Variants in ZNF292 observed in about 807,000 individuals in gnomAD.
The protein encoded by ZNF292 is zinc finger protein 292.
Under a neutral mutation model 217.9 loss-of-function variants are expected in ZNF292, and 26 were observed. The observed-to-expected ratio is 0.12, with a 90% CI of 0.09 to 0.17. The LOEUF (loss-of-function observed/expected upper bound fraction) is 0.17, where lower values mean the gene tolerates loss of function less well. Ranked by LOEUF, ZNF292 falls within the 10% of genes least tolerant of loss-of-function variation. The pLI is 1.00. For missense variants in ZNF292, 2,904 were observed against 3,175.2 expected (o/e 0.91, Z 2.05); for synonymous variants, 1,257 against 1,124.1 (o/e 1.12, Z -2.37).
Position 87,258,765 on chromosome 6 carries a change from C to G in ZNF292, c.5136C>G (p.Ser1712=). The G allele has an allele frequency of 6.2e-7, 1 of 1,613,402 alleles. No homozygotes were observed. Among genetic ancestry groups the G allele is most frequent in the Non-Finnish European group, 8.5e-7 (1 of 1,179,706 alleles). Reference sequence around the variant, plus strand: ...AGAATTTCAAAACCAGTCTTGAGTCCCATACAGTGTTAGCCCCTTTAACAT... The same window carrying G: ...AGAATTTCAAAACCAGTCTTGAGTCGCATACAGTGTTAGCCCCTTTAACAT... ...VKENFKTSLE[S]HTVLAPLTLK... Residue 1712 remains serine, a synonymous_variant, in exon 8 of 8, where the codon TCC becomes TCG. Coordinates refer to ENST00000369577, the MANE Select transcript of ZNF292 (RefSeq NM_015021.3).
chr6:87,170,902 A>T (rs1771075848), intron 1 of ZNF292, among the ~76,000 whole-genome samples: 1 of 152,174 alleles, frequency 6.6e-6, no homozygotes, highest in South Asian at 2.1e-4. Flanking sequence ...AATTGATGAA[A>T]GCCATAATTA....
Position 87,224,186 on chromosome 6 carries a change from C to G in ZNF292, c.538+5455C>G, listed in dbSNP as rs1773227890. Among the ~76,000 whole-genome samples the G allele has an allele frequency of 2.6e-5, 4 of 152,278 alleles. No individual in the cohort carries two copies. In the South Asian group the frequency reaches 8.3e-4, roughly 32 times the overall value. On this transcript the variant is annotated intron_variant, in intron 4 of 7. Coordinates refer to ENST00000369577, the MANE Select transcript of ZNF292 (RefSeq NM_015021.3). ...CTTTTTTACTTTATTCTTACATTCT[C>G]CACTCATTTCCAAAGTTACTTAGGT...
intron 1 of ZNF292, among the ~76,000 whole-genome samples, chr6:87,157,054 T>C (rs1008258051): frequency 6.6e-6 from 1 of 152,230 alleles, no homozygotes. Context: ...TTTTCACTTA[T>C]TTTTTAGCTT....
chr6:87,247,590 T>G (rs1455739943), intron 7 of ZNF292, among the ~76,000 whole-genome samples: 1 of 152,178 alleles, frequency 6.6e-6, no homozygotes, highest in African/African-American at 2.4e-5. Context: ...CTAAGATTCC[T>G]GCAGAAGAAA....
chr6:87,240,977 C>T (rs1039399692), intron 5 of ZNF292, among the ~76,000 whole-genome samples: 1 of 152,188 alleles, frequency 6.6e-6, no homozygotes, highest in African/African-American at 2.4e-5. Context: ...CTTAGGCCTT[C>T]TTTCTTTAAA....
chr6:87,157,468 A>T (rs1214369265), intron 1 of ZNF292, among the ~76,000 whole-genome samples: 1 of 152,260 alleles, frequency 6.6e-6, no homozygotes, highest in Non-Finnish European at 1.5e-5. Flanking sequence ...TTATATAATA[A>T]TCAGTGAAAA....
At chr6:87,217,519 A>G (rs894071962) in intron 3 of ZNF292, among the ~76,000 whole-genome samples, 3 of 152,002 alleles carry the variant, frequency 2.0e-5, no homozygotes, top group Admixed American at 6.6e-5. Flanking sequence ...GAAACTTCCT[A>G]TTGCTTGCCA....
At chr6:87,204,328 C>T (rs561498430) in intron 1 of ZNF292, among the ~76,000 whole-genome samples, 34 of 152,134 alleles carry the variant, frequency 2.2e-4, no homozygotes, top group Admixed American at 1.8e-3. Flanking sequence ...TGTTTATTGC[C>T]TGATTCTGGT....
intron 1 of ZNF292, among the ~76,000 whole-genome samples, chr6:87,159,667 T>C (rs756492020): frequency 4.0e-5 from 6 of 151,862 alleles, no homozygotes; most frequent in Non-Finnish European, 5.9e-5. Context: ...CATGCCCGGC[T>C]AATTTTGTAT....
At chr6:87,208,864 T>A (rs151116488) in intron 1 of ZNF292, among the ~76,000 whole-genome samples, 1 of 152,270 alleles carries the variant, frequency 6.6e-6, no homozygotes, top group East Asian at 1.9e-4. Flanking sequence ...GTTCAGGCAG[T>A]GAGTTGGAAA....
At chr6:87,162,435 A>G (rs1222402556) in intron 1 of ZNF292, among the ~76,000 whole-genome samples, 1 of 152,218 alleles carries the variant, frequency 6.6e-6, no homozygotes, top group Non-Finnish European at 1.5e-5. Context: ...ATTAGAGGCT[A>G]TCTTAATTTG....
At chr6:87,201,031 TA>T (rs1197329449) in intron 1 of ZNF292, among the ~76,000 whole-genome samples, 5 of 152,184 alleles carry the variant, frequency 3.3e-5, no homozygotes, top group Non-Finnish European at 7.3e-5. Flanking sequence ...TCATCACAAG[TA>T]AGAGATTCTC....
At chr6:87,254,588 T>C in intron 7 of ZNF292, 62 bp from the exon 8 acceptor site, 2 of 1,428,892 alleles carry the variant, frequency 1.4e-6, no homozygotes, top group Non-Finnish European at 9.5e-7. Flanking sequence ...AACTAAATTC[T>C]GAAATAAATT....
intron 1 of ZNF292, among the ~76,000 whole-genome samples, chr6:87,167,035 G>C (rs776811181): frequency 1.2e-4 from 19 of 152,130 alleles, no homozygotes; most frequent in Non-Finnish European, 2.9e-5. Flanking sequence ...TATTGTTAAA[G>C]AGTTACTTGA....
Position 87,256,052 on chromosome 6 carries a change from C to T in ZNF292, c.2423C>T (p.Thr808Ile). The change falls in exon 8 of 8, where the codon ACT (threonine) becomes ATT (isoleucine). Residue 808 changes from threonine to isoleucine, a missense_variant. By Grantham distance (89) the Thr-to-Ile change is moderately conservative. Transcript: ENST00000369577. ...GAAGCACAACATTATAATACGTACA[C>T]TTGTAAGTTCACAGGTTGTGGTAAA... is the stretch of plus-strand genomic sequence containing the variant. ...DHEAQHYNTY[T>I]CKFTGCGKVY... 1 of 1,610,594 alleles carries T rather than the reference C, an allele frequency of 6.2e-7. No individual in the cohort carries two copies. The highest frequency in any genetic ancestry group is 8.5e-7 in the Non-Finnish European group (1 of 1,178,140).
intron 1 of ZNF292, among the ~76,000 whole-genome samples, chr6:87,215,506 G>T (rs1280838561): frequency 1.3e-5 from 2 of 152,064 alleles, no homozygotes; most frequent in Non-Finnish European, 2.9e-5. Context: ...GTTCAATATT[G>T]AATTTTCTGC....
intron 3 of ZNF292, 126 bp downstream of exon 3, chr6:87,216,503 T>C (rs2127803290): frequency 1.5e-6 from 1 of 656,196 alleles, no homozygotes; most frequent in Non-Finnish European, 2.6e-6. Context: ...ACTGATCTTA[T>C]TGACACTAGT....
At chr6:87,252,139 T>C (rs570048282) in intron 7 of ZNF292, among the ~76,000 whole-genome samples, 13 of 142,644 alleles carry the variant, frequency 9.1e-5, no homozygotes, top group African/African-American at 3.4e-4. Flanking sequence ...GTTTGTTGTT[T>C]GTTTTTTTTT....
Position 87,261,642 on chromosome 6 carries a change from C to T in ZNF292, c.8013C>T (p.Asp2671=). 1 of 1,611,922 alleles carries T rather than the reference C, an allele frequency of 6.2e-7. No individual in the cohort carries two copies. The highest frequency in any genetic ancestry group is 8.5e-7 in the Non-Finnish European group (1 of 1,178,862). Reference sequence around the variant, plus strand: ...GTGATAATGTAAAAATTGTTTTAGACAAGAATCTTAAAGATTGCACTGAGC... The same window carrying T: ...GTGATAATGTAAAAATTGTTTTAGATAAGAATCTTAAAGATTGCACTGAGC... ...QCSDNVKIVL[D]KNLKDCTELV... The change falls in exon 8 of 8, where the codon GAC becomes GAT. Residue 2671 remains aspartate, a synonymous_variant. Coordinates refer to ENST00000369577, the MANE Select transcript of ZNF292 (RefSeq NM_015021.3).
Sources: gnomAD v4.1 joint callset for allele counts (sites outside exome capture counted in the v4.1 genomes callset) on GRCh38, gnomAD v4.1.1 for gene constraint, MANE v1.5 for transcripts, NCBI Gene and HGNC (gene_info 2026-07-23, HGNC 2026-07-21) for gene names.